SIK3: variants seen among roughly 807,000 people sequenced by gnomAD.
The protein encoded by SIK3 is serine/threonine-protein kinase SIK3.
In SIK3, 28 loss-of-function variants were observed where a neutral mutation model predicts 144.2. That is an observed-to-expected ratio of 0.19 (90% CI 0.14 to 0.27). SIK3 has a LOEUF of 0.27. SIK3 is among the 10% of genes least tolerant of loss of function. The pLI is 1.00. For missense variants in SIK3, 1,319 were observed against 1,776.0 expected, an observed-to-expected ratio of 0.74 and a Z score of 4.62; for synonymous variants, 686 against 676.3, an observed-to-expected ratio of 1.01 and a Z score of -0.22.
chr11:116,976,521 A>C (rs1949952275), intron 1 of SIK3, among the ~76,000 whole-genome samples: 2 of 152,376 alleles, frequency 1.3e-5, no homozygotes, highest in African/African-American at 4.8e-5. Context: ...AGACTTAACA[A>C]AAGTCAAATG....
intron 4 of SIK3, among the ~76,000 whole-genome samples, chr11:116,905,670 A>C (rs1945991534): frequency 1.3e-5 from 2 of 152,196 alleles, no homozygotes; most frequent in African/African-American, 4.8e-5. Context: ...GTGGATGTGA[A>C]ATGATATCTT....
At chr11:116,979,865 AAGAG>A (rs149791756) in intron 1 of SIK3, among the ~76,000 whole-genome samples, 6 of 151,934 alleles carry the variant, frequency 3.9e-5, no homozygotes, top group East Asian at 3.9e-4. Flanking sequence ...AAAGAAAAAA[AAGAG>A]AGAGAGAGAG....
At chr11:116,944,666 T>G (rs1210684610) in intron 3 of SIK3, among the ~76,000 whole-genome samples, 1 of 152,206 alleles carries the variant, frequency 6.6e-6, no homozygotes, top group African/African-American at 2.4e-5. Context: ...CTTCCTTCCC[T>G]GGCTGATTTT....
At chr11:116,874,201 C>T (rs1219793301) in intron 11 of SIK3, 145 bp from the exon 12 acceptor site, 1 of 862,104 alleles carries the variant, frequency 1.2e-6, no homozygotes, top group Non-Finnish European at 1.8e-6. Flanking sequence ...GATCCTAAAG[C>T]AAAGCAAAAG....
intron 1 of SIK3, among the ~76,000 whole-genome samples, chr11:116,969,190 T>C (rs1591448520): frequency 6.9e-6 from 1 of 145,374 alleles, no homozygotes; most frequent in Non-Finnish European, 1.5e-5. Context: ...CTCGGGAGGC[T>C]GAGGCAGAAG....
At chr11:116,932,601 A>G (rs1178020088) in intron 3 of SIK3, among the ~76,000 whole-genome samples, 2 of 152,184 alleles carry the variant, frequency 1.3e-5, no homozygotes, top group African/African-American at 2.4e-5. Context: ...TATCAAAAAA[A>G]GATACAAAAA....
intron 1 of SIK3, among the ~76,000 whole-genome samples, chr11:117,023,621 A>AAAAAATATATATATATATATAT (rs754624841): frequency 9.4e-5 from 9 of 95,392 alleles, no homozygotes; most frequent in East Asian, 9.2e-4. Flanking sequence ...AAAAAAAAAA[A>AAAAAATATATATATATATATAT]ATATATATAT....
chr11:117,098,408 G>A lies in SIK3; in HGVS notation c.8C>T (p.Ala3Val). MA[A>V]AAASGAGGAA... ...CCCGCCAGCTCCGCTCGCCGCCGCCGCCGCCATCTTGTTGTGCAGTGAAAC... is the reference window on the plus strand; with the variant it reads ...CCCGCCAGCTCCGCTCGCCGCCGCCACCGCCATCTTGTTGTGCAGTGAAAC... Residue 3 changes from alanine to valine, a missense_variant, in exon 1 of 25, where the codon GCG (alanine) becomes GTG (valine). By Grantham distance (64) the Ala-to-Val change is moderately conservative. Around this residue, in one of 8 missense-constraint regions of SIK3, gnomAD observed 114 missense variants for 116.2 expected, o/e 0.98. Transcript: ENST00000445177. The A allele has an allele frequency of 1.7e-6, 2 of 1,145,366 alleles. No homozygotes were observed. The highest frequency in any genetic ancestry group is 1.1e-6 in the Non-Finnish European group (1 of 934,094). The allele number at this position is 1,145,366 out of a possible 1,614,324, so 71.0% of individuals were successfully genotyped here. A position where few individuals can be genotyped will look rare whatever the true frequency, so the allele number is the denominator to read the frequency against.
chr11:117,005,340 A>AG (rs1951006470), intron 1 of SIK3, among the ~76,000 whole-genome samples: 1 of 138,856 alleles, frequency 7.2e-6, no homozygotes, highest in African/African-American at 2.5e-5. Flanking sequence ...GTCTCAGAAA[A>AG]AAAAAAAAAA....
At chr11:117,024,809 G>A (rs1421409394) in intron 1 of SIK3, among the ~76,000 whole-genome samples, 1 of 152,042 alleles carries the variant, frequency 6.6e-6, no homozygotes, top group African/African-American at 2.4e-5. Flanking sequence ...GCTGAGGTGG[G>A]AGGATCACTT....
chr11:116,985,098 C>T (rs1002772909), intron 1 of SIK3, among the ~76,000 whole-genome samples: 1 of 152,158 alleles, frequency 6.6e-6, no homozygotes, highest in Admixed American at 6.5e-5. Context: ...TGTTTTATCT[C>T]ATGTTTATTG....
intron 1 of SIK3, among the ~76,000 whole-genome samples, chr11:117,034,784 T>C (rs1952421261): frequency 6.6e-6 from 1 of 152,206 alleles, no homozygotes; most frequent in African/African-American, 2.4e-5. Context: ...CCTCTTTCAT[T>C]TGTGAATCTG....
At chr11:116,866,241 A>G (rs2134462487) in intron 15 of SIK3, among the ~76,000 whole-genome samples, 1 of 152,318 alleles carries the variant, frequency 6.6e-6, no homozygotes, top group South Asian at 2.1e-4. Flanking sequence ...AGGATACCTA[A>G]AGGACTTCAG....
At chr11:116,912,026 G>A (rs142042381) in intron 4 of SIK3, among the ~76,000 whole-genome samples, 18 of 152,290 alleles carry the variant, frequency 1.2e-4, no homozygotes, top group South Asian at 4.1e-4. Context: ...TCTTCATGTG[G>A]CCATGGTCAT....
intron 1 of SIK3, among the ~76,000 whole-genome samples, chr11:116,991,463 C>G (rs1057194162): frequency 2.8e-4 from 42 of 152,078 alleles, no homozygotes; most frequent in African/African-American, 8.7e-4. Context: ...AACAAAAACC[C>G]CTGCCTCATT....
intron 1 of SIK3, among the ~76,000 whole-genome samples, chr11:116,976,496 A>G (rs529743950): frequency 2.0e-3 from 300 of 152,364 alleles, no homozygotes; most frequent in African/African-American, 6.7e-3. Context: ...TCTTTCTCCA[A>G]TGAATTATCT....
chr11:116,959,555 C>T (rs1205729752), intron 1 of SIK3, among the ~76,000 whole-genome samples: 4 of 152,170 alleles, frequency 2.6e-5, no homozygotes, highest in African/African-American at 7.2e-5. Flanking sequence ...TGGGGAAAAG[C>T]GGGTGACCTT....
chr11:116,912,650 A>AG (rs1321382865), intron 4 of SIK3, among the ~76,000 whole-genome samples: 4 of 152,206 alleles, frequency 2.6e-5, no homozygotes, highest in Non-Finnish European at 5.9e-5. Flanking sequence ...CAGGGAGCAG[A>AG]GGGGAAAAAG....
At chr11:117,048,261 C>T (rs1354445647) in intron 1 of SIK3, among the ~76,000 whole-genome samples, 2 of 152,096 alleles carry the variant, frequency 1.3e-5, no homozygotes, top group Non-Finnish European at 2.9e-5. Flanking sequence ...ATAAGTAGGC[C>T]ATTGGTGAAA....
Sources: allele counts gnomAD v4.1 joint callset (sites outside exome capture counted in the v4.1 genomes callset), GRCh38; gene constraint gnomAD v4.1.1; regional missense constraint gnomAD v4.1.1; transcripts MANE v1.5; gene names NCBI Gene and HGNC (gene_info 2026-07-23, HGNC 2026-07-21).